DAPP1: variants seen among roughly 807,000 people sequenced by gnomAD.
DAPP1 encodes dual adaptor of phosphotyrosine and 3-phosphoinositides 1.
Under a neutral mutation model 41.5 loss-of-function variants are expected in DAPP1, and 20 were observed. That is an observed-to-expected ratio of 0.48 (90% CI 0.34 to 0.70). The LOEUF (loss-of-function observed/expected upper bound fraction) is 0.70. Among genes scored for constraint, DAPP1 ranks in the 30% least tolerant of loss-of-function variants. DAPP1 has a pLI of 0.01. For missense variants in DAPP1, 233 were observed against 333.4 expected (o/e 0.70, Z 2.35); for synonymous variants, 113 against 116.2 (o/e 0.97, Z 0.18).
chr4:99,865,425 C>T (rs1724390229), intron 7 of DAPP1: 1 of 152,182 alleles, frequency 6.6e-6, no homozygotes, highest in Non-Finnish European at 1.5e-5. Context: ...TTATTCCCTG[C>T]AGCAGAGACT....
chr4:99,834,277 A>G (rs766525426), intron 1 of DAPP1, among the ~76,000 whole-genome samples: 5 of 152,168 alleles, frequency 3.3e-5, no homozygotes, highest in Non-Finnish European at 7.4e-5. Flanking sequence ...ACTATCTCTT[A>G]AGAGGAAGCA....
chr4:99,819,054 C>A (rs1473683137), intron 1 of DAPP1, among the ~76,000 whole-genome samples: 1 of 152,106 alleles, frequency 6.6e-6, no homozygotes, highest in Non-Finnish European at 1.5e-5. Context: ...CTTAAAATTA[C>A]TAATAAATGT....
intron 8 of DAPP1, among the ~76,000 whole-genome samples, chr4:99,867,060 A>G (rs1462651670): frequency 2.0e-5 from 3 of 152,096 alleles, no homozygotes; most frequent in African/African-American, 7.2e-5. Flanking sequence ...GTGAAGCACC[A>G]TGCCCGGCCA....
At chr4:99,845,451 C>T (rs542654154) in intron 3 of DAPP1, among the ~76,000 whole-genome samples, 3 of 152,292 alleles carry the variant, frequency 2.0e-5, no homozygotes, top group South Asian at 2.1e-4. Flanking sequence ...GGTCCTACAG[C>T]GACACTGCAA....
intron 4 of DAPP1, among the ~76,000 whole-genome samples, chr4:99,858,374 T>C (rs1048512217): frequency 1.3e-5 from 2 of 152,178 alleles, no homozygotes; most frequent in Non-Finnish European, 2.9e-5. Flanking sequence ...TAGATACAGG[T>C]TTTTTCATGT....
At chr4:99,836,144 C>A (rs17539393) in intron 2 of DAPP1, among the ~76,000 whole-genome samples, 5 of 152,100 alleles carry the variant, frequency 3.3e-5, no homozygotes, top group Non-Finnish European at 5.9e-5. Flanking sequence ...TATGACTGTA[C>A]GGCTTTCATA....
intron 3 of DAPP1, among the ~76,000 whole-genome samples, chr4:99,841,279 G>A (rs1723486421): frequency 6.6e-6 from 1 of 152,206 alleles, no homozygotes; most frequent in Non-Finnish European, 1.5e-5. Context: ...GTGATGGGAA[G>A]AGATGGCATC....
chr4:99,863,718 G>GTTT (rs61359294), intron 6 of DAPP1, 52 bp from the exon 7 acceptor site: 1,378 of 881,918 alleles, frequency 1.6e-3, no homozygotes, highest in East Asian at 6.5e-3. Context: ...AGATTTGTCT[G>GTTT]TTTTTTTTTT....
chr4:99,861,773 A>G, intron 5 of DAPP1, 148 bp downstream of exon 5: 2 of 937,974 alleles, frequency 2.1e-6, no homozygotes, highest in Non-Finnish European at 3.2e-6. Flanking sequence ...TCAAGAGTTC[A>G]TTTTTATGGC....
intron 6 of DAPP1, 127 bp downstream of exon 6, chr4:99,863,199 T>C (rs546887403): frequency 9.8e-6 from 6 of 612,198 alleles, no homozygotes; most frequent in South Asian, 7.5e-5. Flanking sequence ...ATTGGAGATA[T>C]GAATTCTTGA....
intron 1 of DAPP1, among the ~76,000 whole-genome samples, chr4:99,823,394 G>T (rs1489854676): frequency 6.6e-6 from 1 of 152,048 alleles, no homozygotes; most frequent in Non-Finnish European, 1.5e-5. Flanking sequence ...GCACTAAAAT[G>T]TCAGCCATGT....
intron 8 of DAPP1, among the ~76,000 whole-genome samples, chr4:99,866,899 A>G (rs1473809720): frequency 6.7e-6 from 1 of 149,648 alleles, no homozygotes; most frequent in African/African-American, 2.5e-5. Context: ...CCTCCCGAAT[A>G]GCTGGGATTA....
intron 1 of DAPP1, among the ~76,000 whole-genome samples, chr4:99,829,404 C>T (rs985497037): frequency 4.6e-5 from 7 of 151,204 alleles, no homozygotes; most frequent in Non-Finnish European, 7.4e-5. Context: ...TGCTTGAACC[C>T]GGGAGGTGGA....
At position 99,817,100 on chromosome 4, in the gene DAPP1, C is replaced by A. The variant is rs1189256255; in HGVS notation, c.101+86C>A. The stretch of plus-strand genomic sequence containing the variant: ...CCTGCATGCTTTGATTAATGACTAT[C>A]TTCAGTGCCTTGTTGCCCTCTGCCA... On this transcript the variant is annotated intron_variant, in intron 1 of 8. Coordinates refer to ENST00000512369, the MANE Select transcript of DAPP1 (RefSeq NM_014395.3). 6 of 983,180 alleles carry A rather than the reference C, an allele frequency of 6.1e-6. No individual in the cohort carries two copies. The East Asian group carries it at 1.7e-4, about 28-fold the overall frequency. The allele number at this position is 983,180 out of a possible 1,614,324, so 60.9% of individuals were successfully genotyped here. A position where few individuals can be genotyped will look rare whatever the true frequency, so the allele number is the denominator to read the frequency against.
intron 3 of DAPP1, among the ~76,000 whole-genome samples, chr4:99,848,909 T>C (rs2110154616): frequency 6.6e-6 from 1 of 152,276 alleles, no homozygotes; most frequent in South Asian, 2.1e-4. Context: ...AGGGAACCTA[T>C]CTCTGTATAC....
intron 3 of DAPP1, among the ~76,000 whole-genome samples, chr4:99,851,435 A>G (rs1723855778): frequency 6.6e-6 from 1 of 152,072 alleles, no homozygotes; most frequent in South Asian, 2.1e-4. Context: ...ATTTTACAGC[A>G]GCACCTTATC....
intron 4 of DAPP1, 141 bp downstream of exon 4, chr4:99,853,489 G>A: frequency 8.4e-7 from 1 of 1,193,386 alleles, no homozygotes; most frequent in Non-Finnish European, 1.2e-6. Flanking sequence ...GAGATTTGAA[G>A]CCTATGACTC....
At chr4:99,863,463 T>C (rs1007526784) in intron 6 of DAPP1, among the ~76,000 whole-genome samples, 1 of 152,176 alleles carries the variant, frequency 6.6e-6, no homozygotes, top group African/African-American at 2.4e-5. Context: ...TTTTCTTATA[T>C]AACATTTCTA....
At chr4:99,862,099 T>C (rs915345139) in intron 5 of DAPP1, among the ~76,000 whole-genome samples, 2 of 152,212 alleles carry the variant, frequency 1.3e-5, no homozygotes, top group Non-Finnish European at 2.9e-5. Flanking sequence ...TTTATGAGAC[T>C]GTATCTTTAG....
Sources: gnomAD v4.1 joint callset for allele counts (sites outside exome capture counted in the v4.1 genomes callset) on GRCh38, gnomAD v4.1.1 for gene constraint, MANE v1.5 for transcripts, NCBI Gene and HGNC (gene_info 2026-07-23, HGNC 2026-07-21) for gene names.